Variants in SOX5 observed in about 807,000 individuals in gnomAD.
The protein encoded by SOX5 is SRY-box transcription factor 5, also known as transcription factor SOX-5.
SOX5 carries 9 observed loss-of-function variants against 92.0 expected under a neutral mutation model. The ratio of observed to expected loss-of-function variants is 0.10; its 90% CI spans 0.06 to 0.17. SOX5 has a LOEUF of 0.17. Among genes scored for constraint, SOX5 ranks in the 10% least tolerant of loss-of-function variants. The pLI, the probability that SOX5 is intolerant of heterozygous loss-of-function variation, is 1.00. For missense variants in SOX5, 642 were observed against 944.5 expected, an observed-to-expected ratio of 0.68 and a Z score of 4.20; for synonymous variants, 344 against 336.3, an observed-to-expected ratio of 1.02 and a Z score of -0.25.
At chr12:23,723,568 AT>A (rs2092942303) in intron 6 of SOX5, among the ~76,000 whole-genome samples, 1 of 82,320 alleles carries the variant, frequency 1.2e-5, no homozygotes, top group African/African-American at 3.9e-5. Context: ...GAGAAAAATT[AT>A]ATATATATAT....
At chr12:23,777,748 T>C (rs1467902944) in intron 3 of SOX5, among the ~76,000 whole-genome samples, 1 of 151,710 alleles carries the variant, frequency 6.6e-6, no homozygotes, top group Non-Finnish European at 1.5e-5. Flanking sequence ...ACTATGCTCA[T>C]TTGAAAAAAA....
chr12:24,170,588 T>C (rs1458681931), intron 4 of SOX5, among the ~76,000 whole-genome samples: 1 of 152,230 alleles, frequency 6.6e-6, no homozygotes, highest in Non-Finnish European at 1.5e-5. Context: ...GGCCCACACA[T>C]GTACCTATTT....
chr12:24,030,330 A>G (rs1214573781), intron 4 of SOX5, among the ~76,000 whole-genome samples: 1 of 151,960 alleles, frequency 6.6e-6, no homozygotes, highest in African/African-American at 2.4e-5. Context: ...ATAGCATGAT[A>G]CTGGCATAAA....
chr12:24,543,186 G>A (rs995710649), intron 1 of SOX5, among the ~76,000 whole-genome samples: 5 of 152,140 alleles, frequency 3.3e-5, no homozygotes, highest in Non-Finnish European at 7.3e-5. Flanking sequence ...CTAGTCTATT[G>A]GTATGGTCAG....
chr12:24,208,613 T>A (rs1958264435), intron 4 of SOX5, among the ~76,000 whole-genome samples: 1 of 152,212 alleles, frequency 6.6e-6, no homozygotes, highest in Non-Finnish European at 1.5e-5. Context: ...TGAAGCCTTA[T>A]ACACTGTCAC....
intron 3 of SOX5, among the ~76,000 whole-genome samples, chr12:23,775,230 CTG>C (rs2095060648): frequency 6.6e-6 from 1 of 152,128 alleles, no homozygotes; most frequent in Non-Finnish European, 1.5e-5. Context: ...TACTTATTGA[CTG>C]TTTAAAATGC....
At chr12:24,195,618 T>C (rs755885130) in intron 4 of SOX5, among the ~76,000 whole-genome samples, 4 of 152,182 alleles carry the variant, frequency 2.6e-5, no homozygotes, top group African/African-American at 7.2e-5. Context: ...AAAGAGGAAG[T>C]ATTGGACCTA....
In SOX5 at chr12:23,614,133, G is replaced by T. The variant is rs77163942; in HGVS notation, c.1018-9600C>A. ...AAAGAGCTTCTGAAGTGGGGGCCAG[G>T]ATCTGACATGGCTGCAGTCCTGCTA... On this transcript the variant is annotated intron_variant, in intron 8 of 14. Transcript: ENST00000451604. 8.1e-3 allele frequency among the ~76,000 whole-genome samples: 1,228 copies of T among 152,260 alleles called. 6 individuals carry two copies. Among genetic ancestry groups the T allele is most frequent in the Non-Finnish European group, 0.012 (812 of 68,014 alleles).
At chr12:24,554,232 C>T (rs1159465573) in intron 1 of SOX5, among the ~76,000 whole-genome samples, 1 of 152,144 alleles carries the variant, frequency 6.6e-6, no homozygotes, top group African/African-American at 2.4e-5. Flanking sequence ...CGGATTTTGC[C>T]ATAGTTCCTA....
intron 4 of SOX5, among the ~76,000 whole-genome samples, chr12:24,202,263 A>G (rs1354735150): frequency 6.6e-6 from 1 of 152,212 alleles, no homozygotes; most frequent in African/African-American, 2.4e-5. Context: ...TCATCCTTTT[A>G]TATAGCAATG....
At chr12:24,515,467 C>A (rs1949697616) in intron 1 of SOX5, among the ~76,000 whole-genome samples, 3 of 152,100 alleles carry the variant, frequency 2.0e-5, no homozygotes, top group African/African-American at 7.2e-5. Context: ...CCAGATGTAA[C>A]AGAAGATGGC....
chr12:24,362,866 GAAAA>G (rs35979193), intron 2 of SOX5, among the ~76,000 whole-genome samples: 2 of 102,154 alleles, frequency 2.0e-5, no homozygotes, highest in African/African-American at 3.9e-5. Context: ...AAACCACAGT[GAAAA>G]AAAAAAAAAA....
At chr12:23,983,796 T>A (rs1949816901) in intron 4 of SOX5, among the ~76,000 whole-genome samples, 1 of 152,198 alleles carries the variant, frequency 6.6e-6, no homozygotes, top group Admixed American at 6.6e-5. Flanking sequence ...TAATTTATTA[T>A]TAGCCAAATT....
At chr12:24,396,320 G>A (rs773707010) in intron 1 of SOX5, among the ~76,000 whole-genome samples, 1 of 152,102 alleles carries the variant, frequency 6.6e-6, no homozygotes, top group Non-Finnish European at 1.5e-5. Flanking sequence ...ATATCCAGAC[G>A]GTCCATGTAA....
At chr12:24,077,160 A>G (rs1257788086) in intron 4 of SOX5, among the ~76,000 whole-genome samples, 2 of 152,172 alleles carry the variant, frequency 1.3e-5, no homozygotes, top group Non-Finnish European at 2.9e-5. Context: ...ATCTGTATCA[A>G]TCATGAAGAT....
chr12:24,491,643 TA>T (rs955129948), intron 1 of SOX5, among the ~76,000 whole-genome samples: 1 of 151,804 alleles, frequency 6.6e-6, no homozygotes, highest in African/African-American at 2.4e-5. Context: ...AACAAGGAGA[TA>T]AAAAAATGAG....
chr12:24,559,717 C>T (rs1482423824), intron 1 of SOX5, among the ~76,000 whole-genome samples: 2 of 152,150 alleles, frequency 1.3e-5, no homozygotes, highest in African/African-American at 2.4e-5. Context: ...AAGATGACAA[C>T]ATACCTGAGT....
chr12:23,673,402 T>C (rs1390773794), intron 6 of SOX5, among the ~76,000 whole-genome samples: 1 of 152,156 alleles, frequency 6.6e-6, no homozygotes, highest in Non-Finnish European at 1.5e-5. Context: ...CATTTGAATG[T>C]GCTTGTCTGT....
intron 4 of SOX5, among the ~76,000 whole-genome samples, chr12:24,194,799 A>G (rs1167949855): frequency 2.0e-5 from 3 of 152,112 alleles, no homozygotes; most frequent in African/African-American, 7.2e-5. Flanking sequence ...TAATATGTCA[A>G]AAAAAGACTT....
Sources: gnomAD v4.1 joint callset for allele counts (sites outside exome capture counted in the v4.1 genomes callset) on GRCh38, gnomAD v4.1.1 for gene constraint, MANE v1.5 for transcripts, NCBI Gene and HGNC (gene_info 2026-07-23, HGNC 2026-07-21) for gene names.